The following WWC2 variants were observed in gnomAD, a reference collection of about 807,000 sequenced individuals.
WWC2 encodes WW and C2 domain containing 2, also known as protein WWC2.
In WWC2, 101 loss-of-function variants were observed where a neutral mutation model predicts 138.5. The ratio of observed to expected loss-of-function variants is 0.73; its 90% CI spans 0.62 to 0.86. The LOEUF (loss-of-function observed/expected upper bound fraction) is 0.86, where lower values mean the gene tolerates loss of function less well. Ranked by LOEUF, WWC2 falls within the 40% of genes least tolerant of loss-of-function variation. The pLI is 0.00. For synonymous variants in WWC2, 558 were observed against 538.4 expected (o/e 1.04, Z -0.50); for missense variants, 1,420 against 1,419.4 (o/e 1.00, Z -0.01).
intron 1 of WWC2, among the ~76,000 whole-genome samples, chr4:183,141,198 TG>T (rs1451242680): frequency 6.6e-6 from 1 of 152,202 alleles, no homozygotes; most frequent in East Asian, 1.9e-4. Flanking sequence ...TTCACAGTTT[TG>T]AAGTCCAAGG....
At chr4:183,260,051 C>G (rs1737275430) in intron 10 of WWC2, among the ~76,000 whole-genome samples, 1 of 152,128 alleles carries the variant, frequency 6.6e-6, no homozygotes, top group Admixed American at 6.5e-5. Context: ...CCATAGATTT[C>G]CTTACATTGA....
intron 1 of WWC2, among the ~76,000 whole-genome samples, chr4:183,107,350 C>T (rs72691668): frequency 0.024 from 3,661 of 152,180 alleles, 70 homozygotes; most frequent in Non-Finnish European, 0.037. Flanking sequence ...TTAGTAGAGA[C>T]GGGGTTGGGC....
chr4:183,270,482 G>T (rs1737663442), intron 15 of WWC2, among the ~76,000 whole-genome samples: 1 of 152,028 alleles, frequency 6.6e-6, no homozygotes, highest in Admixed American at 6.6e-5. Context: ...AGTACTATGA[G>T]GCCGGGTGTG....
chr4:183,277,400 T>C (rs1366845885), intron 16 of WWC2, among the ~76,000 whole-genome samples: 1 of 151,092 alleles, frequency 6.6e-6, no homozygotes, highest in Non-Finnish European at 1.5e-5. Flanking sequence ...TTTGGGTTGG[T>C]TCCAAGTCTT....
At chr4:183,118,077 A>G (rs190316240) in intron 1 of WWC2, among the ~76,000 whole-genome samples, 3 of 152,088 alleles carry the variant, frequency 2.0e-5, no homozygotes, top group African/African-American at 2.4e-5. Flanking sequence ...GGATTACAGG[A>G]GTGAGCCACT....
intron 2 of WWC2, among the ~76,000 whole-genome samples, chr4:183,196,292 C>T (rs1190165398): frequency 1.3e-5 from 2 of 152,138 alleles, no homozygotes; most frequent in Admixed American, 6.5e-5. Flanking sequence ...CTATCAAATC[C>T]AAACAACACT....
At position 183,206,949 on chromosome 4, in the gene WWC2, A is replaced by C. The variant is rs1246159040; in HGVS notation, c.242-1004A>C. Among the ~76,000 whole-genome samples, 3 of 152,314 alleles carry C rather than the reference A, an allele frequency of 2.0e-5. No individual in the cohort carries two copies. In the East Asian group the frequency reaches 5.8e-4, roughly 29 times the overall value. On this transcript the variant is annotated intron_variant, in intron 2 of 22. Transcript: ENST00000403733. ...CTTCATGTTTTGTGGCCCCTACTGT[A>C]GCTTCACCACACAGTAAAGAATGTG...
intron 9 of WWC2, among the ~76,000 whole-genome samples, chr4:183,255,563 G>A (rs193201460): frequency 2.6e-4 from 40 of 152,180 alleles, no homozygotes; most frequent in Middle Eastern, 3.4e-3. Flanking sequence ...ATAATCATAC[G>A]TGTCTAATGT....
chr4:183,236,871 T>G (rs1736441141), intron 4 of WWC2, among the ~76,000 whole-genome samples: 1 of 152,184 alleles, frequency 6.6e-6, no homozygotes, highest in African/African-American at 2.4e-5. Context: ...TAATATTGAT[T>G]CTTCCAATCC....
intron 21 of WWC2, among the ~76,000 whole-genome samples, chr4:183,303,331 TA>T (rs1260378518): frequency 6.6e-6 from 1 of 152,200 alleles, no homozygotes; most frequent in East Asian, 1.9e-4. Context: ...TGAATTATGT[TA>T]AACAGACTCA....
intron 17 of WWC2, among the ~76,000 whole-genome samples, chr4:183,281,748 T>C (rs761352630): frequency 8.5e-5 from 13 of 152,182 alleles, no homozygotes; most frequent in Non-Finnish European, 1.8e-4. Flanking sequence ...ACTTTGTCCT[T>C]ATAAAAAGTC....
rs1005541948 is a variant in WWC2, at chr4:183,261,413, T to G, written c.1790T>G (p.Ile597Ser). The G allele has an allele frequency of 1.9e-6, 3 of 1,612,784 alleles. No individual in the cohort carries two copies. The African/African-American group carries it at 4.0e-5, about 22-fold the overall frequency. ...DCELSSHFADISLIENQILLD... is the reference protein window; with the variant it reads ...DCELSSHFADSSLIENQILLD... Reference sequence around the variant, plus strand: ...GAGTTGAGTAGCCATTTTGCAGATATCAGCCTCATCGAAAATCAGATTTTG... The same window carrying G: ...GAGTTGAGTAGCCATTTTGCAGATAGCAGCCTCATCGAAAATCAGATTTTG... The change falls in exon 11 of 23, where the codon ATC (isoleucine) becomes AGC (serine). Residue 597 changes from isoleucine (I) to serine (S), a missense_variant. Transcript: ENST00000403733.
chr4:183,277,755 GT>G (rs1453261989), intron 16 of WWC2, among the ~76,000 whole-genome samples: 1 of 147,718 alleles, frequency 6.8e-6, no homozygotes, highest in African/African-American at 2.5e-5. Context: ...TTTTTCATGT[GT>G]TTTTTGGCTG....
intron 21 of WWC2, among the ~76,000 whole-genome samples, chr4:183,308,120 G>A (rs953976741): frequency 1.3e-5 from 2 of 152,048 alleles, no homozygotes; most frequent in East Asian, 1.9e-4. Context: ...AAACAATGCC[G>A]TTTCCATTAG....
chr4:183,286,396 G>C (rs1738254875), intron 20 of WWC2, among the ~76,000 whole-genome samples: 1 of 152,150 alleles, frequency 6.6e-6, no homozygotes, highest in South Asian at 2.1e-4. Context: ...TCCAGGTCTT[G>C]AGCGATTGTG....
rs1293540983 is a variant in WWC2, at chr4:183,317,534, A to G, written c.*1805A>G. On this transcript the variant is annotated 3_prime_UTR_variant, in exon 23 of 23. Transcript: ENST00000403733. ...GTCAAGGTCAAATGTGAAAGACAGA[A>G]GTTTATTTAATGTAGAGGTAAATGA... 6.6e-6 allele frequency: 1 copy of G among 152,628 alleles called. No homozygotes were observed. Among genetic ancestry groups the G allele is most frequent in the Admixed American group, 6.5e-5 (1 of 15,278 alleles). 9.5% of individuals were successfully genotyped at this position (152,628 alleles called of 1,614,324 possible).
intron 21 of WWC2, among the ~76,000 whole-genome samples, chr4:183,308,381 A>C (rs1176420024): frequency 6.6e-6 from 1 of 152,230 alleles, no homozygotes; most frequent in East Asian, 1.9e-4. Flanking sequence ...TCTAAAGTTT[A>C]TATGGAGAGG....
Position 183,190,475 on chromosome 4 carries a change from G to A in WWC2, c.132-3124G>A, listed in dbSNP as rs1032585823. Among the ~76,000 whole-genome samples, 9 of 152,160 alleles carry A rather than the reference G, an allele frequency of 5.9e-5. No homozygotes were observed. The South Asian group carries it at 1.9e-3, about 32-fold the overall frequency. On this transcript the variant is annotated intron_variant, in intron 1 of 22. Coordinates refer to ENST00000403733, the MANE Select transcript of WWC2 (RefSeq NM_024949.6). ...GGTACTTAATTTGTTTGGAACCTGA[G>A]AATGTTGTTCTATTTATATTTTATA...
intron 11 of WWC2, among the ~76,000 whole-genome samples, chr4:183,263,429 T>G (rs973594619): frequency 6.6e-6 from 1 of 152,234 alleles, no homozygotes; most frequent in East Asian, 1.9e-4. Context: ...TCTTGCTGTG[T>G]CTGAAAAGTT....
Sources: gnomAD v4.1 joint callset for allele counts (sites outside exome capture counted in the v4.1 genomes callset) on GRCh38, gnomAD v4.1.1 for gene constraint, MANE v1.5 for transcripts, NCBI Gene and HGNC (gene_info 2026-07-23, HGNC 2026-07-21) for gene names.